SLC16A14: variants seen among roughly 807,000 people sequenced by gnomAD.
SLC16A14 encodes the protein solute carrier family 16 member 14.
SLC16A14 carries 14 observed loss-of-function variants against 35.8 expected under a neutral mutation model. The ratio of observed to expected loss-of-function variants is 0.39; its 90% confidence interval spans 0.26 to 0.61. The LOEUF is 0.61. SLC16A14 is among the 20% of genes least tolerant of loss of function. The pLI, the probability that SLC16A14 is intolerant of heterozygous loss-of-function variation, is 0.51. For missense variants in SLC16A14, 533 were observed against 655.0 expected, an observed-to-expected ratio of 0.81 and a Z score of 2.03; for synonymous variants, 248 against 258.9, an observed-to-expected ratio of 0.96 and a Z score of 0.40.
At chr2:230,056,960 C>T (rs1174971792) in intron 2 of SLC16A14, among the ~76,000 whole-genome samples, 3 of 147,400 alleles carry the variant, frequency 2.0e-5, no homozygotes, top group Admixed American at 6.7e-5. Flanking sequence ...CAATTAATTA[C>T]TAATTGGGAA....
chr2:230,062,428 A>G (rs2077758953), intron 1 of SLC16A14, among the ~76,000 whole-genome samples: 1 of 147,532 alleles, frequency 6.8e-6, no homozygotes, highest in South Asian at 2.1e-4. Context: ...AGCTCACTGC[A>G]GCCTTGAACT....
At position 230,037,271 on chromosome 2, in the gene SLC16A14, C is replaced by A; in HGVS notation, c.*109G>T. On this transcript the variant is annotated 3_prime_UTR_variant, in exon 5 of 5. Transcript: ENST00000295190. ...CAATGGCATTTACAAATGACAGTGC[C>A]AGTTACCGTACAAAATGCTTTCCCA... 1 of 976,582 alleles carries A rather than the reference C, an allele frequency of 1.0e-6. No homozygotes were observed. Among genetic ancestry groups the A allele is most frequent in the Non-Finnish European group, 1.5e-6 (1 of 679,518 alleles). The allele number at this position is 976,582 out of a possible 1,614,324, so 60.5% of individuals were successfully genotyped here.
Position 230,046,073 on chromosome 2 carries a change from G to C in SLC16A14, c.1053C>G (p.Asp351Glu). 6.2e-7 allele frequency: 1 copy of C among 1,614,152 alleles called. No homozygotes were observed. The highest frequency in any genetic ancestry group is 8.5e-7 in the Non-Finnish European group (1 of 1,179,984). The change falls in exon 4 of 5, where the codon GAC (aspartate) becomes GAG (glutamate). Residue 351 changes from aspartate to glutamate, a missense_variant. Asp to Glu is a conservative substitution (Grantham distance 45). Coordinates refer to ENST00000295190, the MANE Select transcript of SLC16A14 (RefSeq NM_152527.5). The surrounding 1 kb of genome is among the most constrained non-coding windows in gnomAD (Gnocchi z 5.0). ...CTATAATTGACGTCAGAGGGAAAAC[G>C]TCGTTTTGCTCCGATAAGTTATACA... The part of the protein sequence containing the change: ...VNLYNLSEQN[D>E]VFPLTSIIAI...
intron 2 of SLC16A14, among the ~76,000 whole-genome samples, chr2:230,054,906 A>G (rs2077692440): frequency 6.6e-6 from 1 of 152,058 alleles, no homozygotes; most frequent in Admixed American, 6.5e-5. Flanking sequence ...GAAAAAAAAA[A>G]AAAAGAAGAA....
chr2:230,038,521 A>G lies in SLC16A14; in HGVS notation c.1382-990T>C, dbSNP rs1173970230. Among the ~76,000 whole-genome samples, 1 of 152,210 alleles carries G rather than the reference A, an allele frequency of 6.6e-6. No homozygotes were observed. The highest frequency in any genetic ancestry group is 1.9e-4 in the East Asian group (1 of 5,204). On this transcript the variant is annotated intron_variant, in intron 4 of 4. Coordinates refer to ENST00000295190, the MANE Select transcript of SLC16A14 (RefSeq NM_152527.5). The surrounding 1 kb of genome is among the most constrained non-coding windows in gnomAD (Gnocchi z 4.4). ...AAACTGAGAGGATTGAGTTACACAC[A>G]AGAGTTTTATTTATGGTAAAAATGT...
In SLC16A14 at chr2:230,046,731, G is replaced by A. The variant is rs1362180296; in HGVS notation, c.404-9C>T. Reference sequence around the variant, plus strand: ...CATCCCGCTGCCCAGGCCTGTACAGGCCGACGGGGGGAAGAAAAGACACAG... The same window carrying A: ...CATCCCGCTGCCCAGGCCTGTACAGACCGACGGGGGGAAGAAAAGACACAG... On this transcript the variant is annotated splice_polypyrimidine_tract_variant and intron_variant, in intron 3 of 4. Coordinates refer to ENST00000295190, the MANE Select transcript of SLC16A14 (RefSeq NM_152527.5). This position sits in a 1 kb window ranked among gnomAD's most constrained non-coding sequence, Gnocchi z 5.0. 4.4e-6 allele frequency: 7 copies of A among 1,580,510 alleles called. No homozygotes were observed. The South Asian group carries it at 7.8e-5, about 18-fold the overall frequency.
intron 4 of SLC16A14, 27 bp downstream of exon 4, chr2:230,045,718 G>T: frequency 6.2e-7 from 1 of 1,613,816 alleles, no homozygotes; most frequent in South Asian, 1.1e-5. Context: ...CATGCACTCT[G>T]AGCTCTTAAA....
rs968762381 is a variant in SLC16A14, at chr2:230,066,304, G to GA, written c.-15+2250dup. ...GGATGATAGAACGAGACTACCTCAA[G>GA]AAAAAAAAAAAGTAAAAGGTAACCC... On this transcript the variant is annotated intron_variant, in intron 1 of 4. Coordinates refer to ENST00000295190, the MANE Select transcript of SLC16A14 (RefSeq NM_152527.5). Among the ~76,000 whole-genome samples the GA allele has an allele frequency of 5.9e-4, 83 of 141,270 alleles. 2 individuals are homozygous for GA. Among genetic ancestry groups the GA allele is most frequent in the African/African-American group, 4.7e-4 (18 of 38,614 alleles). 92.7% of individuals were successfully genotyped at this position (141,270 alleles called of 152,430 possible). A position where few individuals can be genotyped will look rare whatever the true frequency, so the allele number is the denominator to read the frequency against.
chr2:230,046,840 C>A lies in SLC16A14; in HGVS notation c.404-118G>T. On this transcript the variant is annotated intron_variant, in intron 3 of 4. Transcript: ENST00000295190. This position sits in a 1 kb window ranked among gnomAD's most constrained non-coding sequence, Gnocchi z 5.0. ...TAGCATCTATTTATGCTTTTTATTT[C>A]TAACAAAGCAATAACACTGATTATT... The A allele has an allele frequency of 3.3e-6, 4 of 1,206,694 alleles. No individual in the cohort carries two copies. Among genetic ancestry groups the A allele is most frequent in the Non-Finnish European group, 4.5e-6 (4 of 891,504 alleles). The allele number at this position is 1,206,694 out of a possible 1,614,324, so 74.7% of individuals were successfully genotyped here. A position where few individuals can be genotyped will look rare whatever the true frequency, so the allele number is the denominator to read the frequency against.
rs1232253782 is a variant in SLC16A14, at chr2:230,035,827, A to G, written c.*1553T>C. 6.6e-6 allele frequency: 1 copy of G among 152,334 alleles called. No homozygotes were observed. Among genetic ancestry groups the G allele is most frequent in the East Asian group, 1.9e-4 (1 of 5,190 alleles). 9.4% of individuals were successfully genotyped at this position (152,334 alleles called of 1,614,324 possible). On this transcript the variant is annotated 3_prime_UTR_variant, in exon 5 of 5. Transcript: ENST00000295190. ...AACCACTCCCACTATACATTAGAGC[A>G]GGAAATAATGGAGATGGAACAAAAA...
At chr2:230,057,887 G>A (rs1286521955) in intron 2 of SLC16A14, among the ~76,000 whole-genome samples, 3 of 151,994 alleles carry the variant, frequency 2.0e-5, no homozygotes, top group Admixed American at 2.0e-4. Context: ...AAATTAGCCG[G>A]GCGTGGTAGT....
rs1243781949 is a variant in SLC16A14 at position 230,038,332 on chromosome 2, A to G, written c.1382-801T>C. Among the ~76,000 whole-genome samples the G allele has an allele frequency of 6.6e-6, 1 of 152,202 alleles. No homozygotes were observed. The highest frequency in any genetic ancestry group is 2.4e-5 in the African/African-American group (1 of 41,456). ...GAAATAAATATCCTTGTCAATTCAA[A>G]TATGACTCAGTATTTCCTCAGGACT... On this transcript the variant is annotated intron_variant, in intron 4 of 4. Transcript: ENST00000295190. The surrounding 1 kb of genome is among the most constrained non-coding windows in gnomAD (Gnocchi z 4.4).
chr2:230,056,413 C>T (rs2077705147), intron 2 of SLC16A14, among the ~76,000 whole-genome samples: 1 of 152,082 alleles, frequency 6.6e-6, no homozygotes, highest in Non-Finnish European at 1.5e-5. Flanking sequence ...TGCCACCATG[C>T]CTGGCTAATT....
chr2:230,039,834 T>C (rs958563295), intron 4 of SLC16A14, among the ~76,000 whole-genome samples: 1 of 152,216 alleles, frequency 6.6e-6, no homozygotes, highest in Non-Finnish European at 1.5e-5. Context: ...GTTATTGCTG[T>C]TTAACGTGAA....
At chr2:230,066,755 C>T in intron 1 of SLC16A14, 1 of 373,834 alleles carries the variant, frequency 2.7e-6, no homozygotes, top group Non-Finnish European at 5.1e-6. Context: ...CTGCCTCAGC[C>T]TCCCGAGTAG....
intron 2 of SLC16A14, among the ~76,000 whole-genome samples, chr2:230,058,484 G>T (rs1332139107): frequency 6.6e-6 from 1 of 152,130 alleles, no homozygotes; most frequent in Non-Finnish European, 1.5e-5. Flanking sequence ...TGGTGGCCAG[G>T]GGTGAGGGAA....
Position 230,038,979 on chromosome 2 carries a change from A to G in SLC16A14, c.1382-1448T>C, listed in dbSNP as rs2077538880. On this transcript the variant is annotated intron_variant, in intron 4 of 4. Transcript: ENST00000295190. The surrounding 1 kb of genome is among the most constrained non-coding windows in gnomAD (Gnocchi z 4.4). ...TATTCCGTGGCCACTTTTCAGAAAC[A>G]TCTTTAAAAAAATCGAATTGGCAAA... Among the ~76,000 whole-genome samples the G allele has an allele frequency of 6.6e-6, 1 of 152,158 alleles. No individual in the cohort carries two copies. Among genetic ancestry groups the G allele is most frequent in the East Asian group, 1.9e-4 (1 of 5,204 alleles).
At chr2:230,057,597 C>T (rs924873059) in intron 2 of SLC16A14, among the ~76,000 whole-genome samples, 4 of 151,596 alleles carry the variant, frequency 2.6e-5, no homozygotes, top group African/African-American at 9.7e-5. Context: ...GGAGAAACCC[C>T]ATTTCAAAAG....
At position 230,049,767 on chromosome 2, in the gene SLC16A14, C is replaced by T. The variant is rs370247285; in HGVS notation, c.397G>A (p.Ala133Thr). The part of the protein sequence containing the change: ...VHYLFITFGV[A>T]AGLGSGMAYL... Reference sequence around the variant, plus strand: ...AAAAAAGCCACATGCTTACCAGCTGCGACTCCAAAAGTAATGAAGAGATAA... The same window carrying T: ...AAAAAAGCCACATGCTTACCAGCTGTGACTCCAAAAGTAATGAAGAGATAA... The change falls in exon 3 of 5, where the codon GCA becomes ACA. Residue 133 changes from alanine (A) to threonine (T), a missense_variant. Ala to Thr is a moderately conservative substitution (Grantham distance 58). Transcript: ENST00000295190. The T allele has an allele frequency of 6.8e-6, 11 of 1,612,516 alleles. No individual in the cohort carries two copies. Among genetic ancestry groups the T allele is most frequent in the Admixed American group, 6.7e-5 (4 of 59,978 alleles).
Sources: allele counts gnomAD v4.1 joint callset (sites outside exome capture counted in the v4.1 genomes callset), GRCh38; gene constraint gnomAD v4.1.1; non-coding constraint Gnocchi (gnomAD v3.1); transcripts MANE v1.5; gene names NCBI Gene and HGNC (gene_info 2026-07-23, HGNC 2026-07-21).